Variants in FHAD1 observed in about 807,000 individuals in gnomAD.
FHAD1 encodes forkhead associated phosphopeptide binding domain 1.
Under a neutral mutation model 191.3 loss-of-function variants are expected in FHAD1, and 146 were observed. That is an observed-to-expected ratio of 0.76 (90% confidence interval 0.67 to 0.88). FHAD1 has a LOEUF of 0.88. Ranked by LOEUF, FHAD1 falls within the 40% of genes least tolerant of loss-of-function variation. The pLI, the probability that FHAD1 is intolerant of heterozygous loss-of-function variation, is 0.00. For missense variants in FHAD1, 1,635 were observed against 1,785.8 expected (o/e 0.92, Z 1.52); for synonymous variants, 616 against 672.3 (o/e 0.92, Z 1.29).
intron 3 of FHAD1, among the ~76,000 whole-genome samples, chr1:15,280,924 A>G (rs1264098983): frequency 6.6e-6 from 1 of 152,228 alleles, no homozygotes; most frequent in Non-Finnish European, 1.5e-5. Context: ...CCACCTGGCC[A>G]AAATCCAGAT....
chr1:15,248,524 T>A (rs1439215342), intron 1 of FHAD1, among the ~76,000 whole-genome samples: 3 of 151,470 alleles, frequency 2.0e-5, no homozygotes. Context: ...GAAACTCCAG[T>A]CTTTTAAAAG....
chr1:15,293,588 C>T (rs189659392), intron 4 of FHAD1, among the ~76,000 whole-genome samples: 2,564 of 151,966 alleles, frequency 0.017, 24 homozygotes, highest in Non-Finnish European at 0.024. Context: ...TGTGGTGGCA[C>T]GCACCTGTAA....
intron 26 of FHAD1, among the ~76,000 whole-genome samples, chr1:15,374,134 G>T (rs144673644): frequency 6.6e-6 from 1 of 152,174 alleles, no homozygotes; most frequent in African/African-American, 2.4e-5. Context: ...AGCATCATGG[G>T]TTCTCATCTG....
At chr1:15,281,782 AAAGG>A (rs1231837680) in intron 3 of FHAD1, among the ~76,000 whole-genome samples, 1 of 151,122 alleles carries the variant, frequency 6.6e-6, no homozygotes, top group Non-Finnish European at 1.5e-5. Flanking sequence ...AAAAAAAAAA[AAAGG>A]AGAGGGGAGG....
At chr1:15,358,687 T>C (rs1350874693) in intron 21 of FHAD1, among the ~76,000 whole-genome samples, 1 of 152,202 alleles carries the variant, frequency 6.6e-6, no homozygotes, top group Admixed American at 6.5e-5. Context: ...GATTGAGTGA[T>C]GAGTGACGAT....
rs112303425 is a variant in FHAD1 at position 15,318,697 on chromosome 1, G to T, written c.1365+769G>T. Among the ~76,000 whole-genome samples the T allele has an allele frequency of 3.3e-5, 5 of 152,066 alleles. No homozygotes were observed. The highest frequency in any genetic ancestry group is 1.2e-4 in the African/African-American group (5 of 41,418). ...ACGTTGCTCCTCAGTTGCCAGCCAC[G>T]TTCCAAGTGCATAGTAGCCACGTGT... On this transcript the variant is annotated intron_variant, in intron 10 of 33. Transcript: ENST00000688493. The surrounding 1 kb of genome is among the most constrained non-coding windows in gnomAD (Gnocchi z 4.1).
chr1:15,338,084 G>A (rs1685003925), intron 14 of FHAD1, among the ~76,000 whole-genome samples: 1 of 152,076 alleles, frequency 6.6e-6, no homozygotes, highest in African/African-American at 2.4e-5. Context: ...TCCAGCCCAA[G>A]TAAGCTCAGC....
chr1:15,253,940 G>GT (rs751935719), intron 2 of FHAD1, among the ~76,000 whole-genome samples: 80 of 152,002 alleles, frequency 5.3e-4, no homozygotes, highest in African/African-American at 5.6e-4. Flanking sequence ...TAACTGTAGG[G>GT]TTTTTTTATA....
At chr1:15,300,107 C>CA (rs113042526) in intron 5 of FHAD1, among the ~76,000 whole-genome samples, 2,122 of 152,354 alleles carry the variant, frequency 0.014, 41 homozygotes, top group African/African-American at 0.049. Flanking sequence ...GCCTATGAAT[C>CA]ACATCGGGGA....
At chr1:15,328,506 T>C in intron 13 of FHAD1, 77 bp downstream of exon 13, 4 of 1,226,738 alleles carry the variant, frequency 3.3e-6, no homozygotes, top group Non-Finnish European at 4.2e-6. Flanking sequence ...ATTGCCCAGC[T>C]TTTTTGGAGC....
At position 15,358,256 on chromosome 1, in the gene FHAD1, C is replaced by G. The variant is rs544350826; in HGVS notation, c.2709C>G (p.Ala903=). 1 of 1,529,606 alleles carries G rather than the reference C, an allele frequency of 6.5e-7. No homozygotes were observed. Among genetic ancestry groups the G allele is most frequent in the South Asian group, 1.3e-5 (1 of 78,984 alleles). The allele number at this position is 1,529,606 out of a possible 1,614,324, so 94.8% of individuals were successfully genotyped here. Residue 903 remains alanine (A), a synonymous_variant, in exon 21 of 34, where the codon GCC becomes GCG. Coordinates refer to ENST00000688493, the MANE Select transcript of FHAD1 (RefSeq NM_001391957.1). The part of the protein sequence containing the change: ...SLALKLNETL[A]ELETTKTKMI... ...CCTTGAAATTAAATGAAACATTAGC[C>G]GAACTGGAAACTACCAAGACAAAAA... is the stretch of plus-strand genomic sequence containing the variant.
At position 15,301,347 on chromosome 1, in the gene FHAD1, C is replaced by T. The variant is rs757209918; in HGVS notation, c.821C>T (p.Ser274Phe). 5 of 1,551,734 alleles carry T rather than the reference C, an allele frequency of 3.2e-6. No individual in the cohort carries two copies. The highest frequency in any genetic ancestry group is 2.4e-5 in the East Asian group (1 of 40,916). The change falls in exon 6 of 34, where the codon TCC (serine) becomes TTC (phenylalanine). Residue 274 changes from serine (S) to phenylalanine (F), a missense_variant. Transcript: ENST00000688493. ...LSQKVSETTT[S>F]RQNEKEISQK... ...CAGAAGGTGTCAGAGACCACCACCT[C>T]CAGGCAGAATGAGAAGGAGATCTCG...
In FHAD1 at chr1:15,345,083, G is replaced by T; in HGVS notation, c.2131G>T (p.Ala711Ser). 1.3e-6 allele frequency: 2 copies of T among 1,550,702 alleles called. No individual in the cohort carries two copies. The highest frequency in any genetic ancestry group is 1.7e-6 in the Non-Finnish European group (2 of 1,146,194). Residue 711 changes from alanine (A) to serine (S), a missense_variant and splice_region_variant, in exon 17 of 34, where the codon GCT becomes TCT. By Grantham distance (99) the Ala-to-Ser change is moderately conservative. Transcript: ENST00000688493. ...KIRQLTEEKA[A>S]LEEYITQERN... Reference sequence around the variant, plus strand: ...TTAAACAATGGTCATTGGTTTCCAGGCTTTGGAGGAGTACATTACTCAAGA... The same window carrying T: ...TTAAACAATGGTCATTGGTTTCCAGTCTTTGGAGGAGTACATTACTCAAGA...
rs138178528 is a variant in FHAD1, at chr1:15,294,255, CTTTAGACCATTGCT to C, written c.569-2426_569-2413del. ...GACTCTTCAAACAAAATGGTTTTGC[CTTTAGACCATTGCT>C]TTGCTTTCGATTTGAAAAATTCTAT... On this transcript the variant is annotated intron_variant, in intron 4 of 33. Coordinates refer to ENST00000688493, the MANE Select transcript of FHAD1 (RefSeq NM_001391957.1). Among the ~76,000 whole-genome samples the C allele has an allele frequency of 9.9e-3, 1,511 of 152,318 alleles. 22 individuals carry two copies. Among genetic ancestry groups the C allele is most frequent in the African/African-American group, 0.033 (1,384 of 41,562 alleles).
At chr1:15,402,206 C>A (rs945065660), downstream of FHAD1, among the ~76,000 whole-genome samples, 1 of 152,200 alleles carries the variant, frequency 6.6e-6, no homozygotes, top group African/African-American at 2.4e-5. Context: ...CTGATGCTAC[C>A]GTGTTAGTTA....
intron 3 of FHAD1, among the ~76,000 whole-genome samples, chr1:15,273,059 A>G (rs1656798553): frequency 6.6e-6 from 1 of 152,186 alleles, no homozygotes; most frequent in Non-Finnish European, 1.5e-5. Flanking sequence ...TTCCCTAAAC[A>G]TGTCTGATTA....
At chr1:15,302,663 G>A (rs1030613015) in intron 6 of FHAD1, among the ~76,000 whole-genome samples, 8 of 148,646 alleles carry the variant, frequency 5.4e-5, no homozygotes, top group African/African-American at 2.1e-4. Flanking sequence ...AGCTTGCAGT[G>A]AGCCAAGATA....
In FHAD1 at chr1:15,381,828, TC is replaced by T. The variant is rs143238554; in HGVS notation, c.4023-197del. ...GGCTGGTAGCACATCCTTTATCCCCTCCCGCTACACACATTCGGCTGATGAA... is the reference window on the plus strand; with the variant it reads ...GGCTGGTAGCACATCCTTTATCCCCTCCGCTACACACATTCGGCTGATGAA... On this transcript the variant is annotated intron_variant, in intron 30 of 33. Transcript: ENST00000688493. This position sits in a 1 kb window ranked among gnomAD's most constrained non-coding sequence, Gnocchi z 4.6. Among the ~76,000 whole-genome samples the T allele has an allele frequency of 4.7e-3, 715 of 151,716 alleles. 2 individuals are homozygous for T. Among genetic ancestry groups the T allele is most frequent in the Non-Finnish European group, 6.6e-3 (451 of 67,950 alleles).
intron 32 of FHAD1, among the ~76,000 whole-genome samples, chr1:15,390,917 C>T (rs1024662633): frequency 1.3e-5 from 2 of 152,168 alleles, no homozygotes; most frequent in African/African-American, 2.4e-5. Flanking sequence ...GAGCATTGTT[C>T]CTCACAGGCC....
Sources: gnomAD v4.1 joint callset for allele counts (sites outside exome capture counted in the v4.1 genomes callset) on GRCh38, gnomAD v4.1.1 for gene constraint, Gnocchi (gnomAD v3.1) non-coding constraint, MANE v1.5 for transcripts, NCBI Gene and HGNC (gene_info 2026-07-23, HGNC 2026-07-21) for gene names.